Variants in ARHGEF7 observed in about 807,000 individuals in gnomAD.
The protein encoded by ARHGEF7 is Rho guanine nucleotide exchange factor 7.
In ARHGEF7, 33 loss-of-function variants were observed where a neutral mutation model predicts 109.8. That is an observed-to-expected ratio of 0.30 (90% CI 0.23 to 0.40). The LOEUF is 0.40. ARHGEF7 is among the 10% of genes least tolerant of loss of function. The pLI is 1.00. For synonymous variants in ARHGEF7, 458 were observed against 424.6 expected (o/e 1.08, Z -0.97); for missense variants, 938 against 1,098.5 (o/e 0.85, Z 2.07).
At chr13:111,250,531 G>A (rs1320655273) in intron 8 of ARHGEF7, among the ~76,000 whole-genome samples, 1 of 152,204 alleles carries the variant, frequency 6.6e-6, no homozygotes, top group Non-Finnish European at 1.5e-5. Context: ...GCACTGAGGG[G>A]TAAATGGGAG....
In ARHGEF7 at chr13:111,239,336, A is replaced by G. The variant is rs145333547; in HGVS notation, c.760-4536A>G. 1.8e-3 allele frequency among the ~76,000 whole-genome samples: 276 copies of G among 152,300 alleles called. 2 individuals are homozygous for G. Among genetic ancestry groups the G allele is most frequent in the African/African-American group, 6.1e-3 (252 of 41,564 alleles). The stretch of plus-strand genomic sequence containing the variant: ...TAATCTGTAAGTGTATAAAACGGTT[A>G]TGTATCCTTAGATGCCATCACACAC... On this transcript the variant is annotated intron_variant, in intron 6 of 21. Coordinates refer to ENST00000646102, the MANE Select transcript of ARHGEF7 (RefSeq NM_001354046.2). The surrounding 1 kb of genome is among the most constrained non-coding windows in gnomAD (Gnocchi z 4.3).
Position 111,196,466 on chromosome 13 carries a change from G to A in ARHGEF7, c.253-8823G>A, listed in dbSNP as rs532554304. Among the ~76,000 whole-genome samples the A allele has an allele frequency of 2.6e-5, 4 of 152,330 alleles. No individual in the cohort carries two copies. The South Asian group carries it at 8.3e-4, about 32-fold the overall frequency. Reference sequence around the variant, plus strand: ...GACATCTCTCCAAGTGAGATCGAAGGTTTGCCCTAGACCCTGTAGGAAATC... The same window carrying A: ...GACATCTCTCCAAGTGAGATCGAAGATTTGCCCTAGACCCTGTAGGAAATC... On this transcript the variant is annotated intron_variant, in intron 2 of 21. Transcript: ENST00000646102.
intron 5 of ARHGEF7, among the ~76,000 whole-genome samples, chr13:111,219,361 T>C (rs1431537427): frequency 6.6e-6 from 1 of 152,250 alleles, no homozygotes; most frequent in Non-Finnish European, 1.5e-5. Context: ...CTGAATAATA[T>C]TTCATCATAT....
chr13:111,134,127 C>T (rs1161527314), intron 1 of ARHGEF7, among the ~76,000 whole-genome samples: 3 of 151,870 alleles, frequency 2.0e-5, no homozygotes, highest in South Asian at 4.2e-4. Context: ...TGAACTCATC[C>T]TTTTTTATGG....
intron 4 of ARHGEF7, among the ~76,000 whole-genome samples, chr13:111,215,154 C>A (rs2147686): frequency 0.75 from 114,223 of 151,982 alleles, 43,208 homozygotes; most frequent in East Asian, 0.9. Flanking sequence ...TACAATGCGT[C>A]ATAATCATAT....
intron 5 of ARHGEF7, among the ~76,000 whole-genome samples, chr13:111,226,008 G>A (rs532738988): frequency 1.6e-4 from 25 of 152,270 alleles, no homozygotes; most frequent in African/African-American, 5.1e-4. Flanking sequence ...CCAGTCAGTC[G>A]TGAATACAAA....
chr13:111,211,117 G>A (rs2082435594), intron 4 of ARHGEF7, among the ~76,000 whole-genome samples: 2 of 152,202 alleles, frequency 1.3e-5, no homozygotes, highest in Non-Finnish European at 2.9e-5. Flanking sequence ...CAGGCGTGGT[G>A]GGCGGTGGGC....
intron 1 of ARHGEF7, among the ~76,000 whole-genome samples, chr13:111,140,590 G>C (rs1000030732): frequency 1.3e-5 from 2 of 152,208 alleles, no homozygotes; most frequent in African/African-American, 4.8e-5. Context: ...GAGGGTGGTA[G>C]CTGGCTGACG....
At chr13:111,221,590 T>G (rs1271532059) in intron 5 of ARHGEF7, among the ~76,000 whole-genome samples, 15 of 91,438 alleles carry the variant, frequency 1.6e-4, no homozygotes, top group Non-Finnish European at 2.9e-4. Flanking sequence ...TATATATATC[T>G]ATATATAGAT....
At chr13:111,246,968 G>A (rs1316775084) in intron 8 of ARHGEF7, among the ~76,000 whole-genome samples, 1 of 152,200 alleles carries the variant, frequency 6.6e-6, no homozygotes, top group African/African-American at 2.4e-5. Context: ...TTGAAGCCAT[G>A]TGTTTACTAA....
chr13:111,202,105 G>A (rs1375883094), intron 2 of ARHGEF7, among the ~76,000 whole-genome samples: 1 of 152,156 alleles, frequency 6.6e-6, no homozygotes, highest in East Asian at 1.9e-4. Context: ...TAAAAGTAAG[G>A]GTGAGTGTTT....
At chr13:111,275,992 A>G (rs943517227) in intron 12 of ARHGEF7, 3 of 329,300 alleles carry the variant, frequency 9.1e-6, no homozygotes, top group African/African-American at 4.2e-5. Flanking sequence ...ATGGAGCTGT[A>G]TGCGCTTATC....
chr13:111,162,943 G>A (rs1283926927), intron 2 of ARHGEF7, among the ~76,000 whole-genome samples: 3 of 152,320 alleles, frequency 2.0e-5, no homozygotes, highest in Non-Finnish European at 2.9e-5. Context: ...TGTTGTCTTT[G>A]TTCTAGATTC....
In ARHGEF7 at chr13:111,304,128, AG is replaced by A. The variant is rs1483440947; in HGVS notation, c.*1016del. 1 of 152,270 alleles carries A rather than the reference AG, an allele frequency of 6.6e-6. No individual in the cohort carries two copies. Among genetic ancestry groups the A allele is most frequent in the Non-Finnish European group, 1.5e-5 (1 of 68,068 alleles). The allele number at this position is 152,270 out of a possible 1,614,324, so 9.4% of individuals were successfully genotyped here. A position where few individuals can be genotyped will look rare whatever the true frequency, so the allele number is the denominator to read the frequency against. On this transcript the variant is annotated 3_prime_UTR_variant, in exon 22 of 22. Transcript: ENST00000646102. ...CCATTGGCCGTAGCCAGCAGGCTTC[AG>A]TGCTCACCGAAAGTAAAATCCCCTC...
chr13:111,175,291 C>A (rs1478330761), intron 2 of ARHGEF7, among the ~76,000 whole-genome samples: 1 of 152,184 alleles, frequency 6.6e-6, no homozygotes, highest in Non-Finnish European at 1.5e-5. Flanking sequence ...GTACAGAGGA[C>A]AGACATGTTC....
At chr13:111,197,283 C>T (rs4773334) in intron 2 of ARHGEF7, among the ~76,000 whole-genome samples, 112,847 of 151,540 alleles carry the variant, frequency 0.74, 42,266 homozygotes, top group East Asian at 0.9. Flanking sequence ...CTGATCGGAA[C>T]AGTTGCGCTC....
At position 111,131,971 on chromosome 13, in the gene ARHGEF7, C is replaced by A. The variant is rs2074778185; in HGVS notation, c.165+16280C>A. On this transcript the variant is annotated intron_variant, in intron 1 of 21. Transcript: ENST00000646102. The surrounding 1 kb of genome is among the most constrained non-coding windows in gnomAD (Gnocchi z 4.4). ...GGGGTGGACTCAGTGAGGGGGTGGA[C>A]CGTGAGCCCTGTGGAAACCCACCCA... Among the ~76,000 whole-genome samples, 1 of 152,090 alleles carries A rather than the reference C, an allele frequency of 6.6e-6. No individual in the cohort carries two copies. The highest frequency in any genetic ancestry group is 2.4e-5 in the African/African-American group (1 of 41,400).
intron 2 of ARHGEF7, among the ~76,000 whole-genome samples, chr13:111,175,722 CTG>C (rs1026127087): frequency 1.3e-5 from 2 of 152,218 alleles, no homozygotes; most frequent in African/African-American, 4.8e-5. Context: ...GATAAGGAGA[CTG>C]AGGCACAGGG....
chr13:111,210,041 A>T (rs202014730), intron 4 of ARHGEF7, 39 bp downstream of exon 4: 1 of 1,613,374 alleles, frequency 6.2e-7, no homozygotes, highest in East Asian at 2.2e-5. Flanking sequence ...TATGTTTGGG[A>T]AGGATATGAG....
Sources: gnomAD v4.1 joint callset for allele counts (sites outside exome capture counted in the v4.1 genomes callset) on GRCh38, gnomAD v4.1.1 for gene constraint, Gnocchi (gnomAD v3.1) non-coding constraint, MANE v1.5 for transcripts, NCBI Gene and HGNC (gene_info 2026-07-23, HGNC 2026-07-21) for gene names.